The following AGBL1 variants were observed in gnomAD, a reference collection of about 807,000 sequenced individuals.
The protein encoded by AGBL1 is AGBL carboxypeptidase 1.
A neutral mutation model predicts 118.9 loss-of-function variants in AGBL1; 130 were observed. That is an observed-to-expected ratio of 1.09 (90% CI 0.95 to 1.26). AGBL1 has a LOEUF of 1.26. Ranked by LOEUF, AGBL1 falls within the 50% of genes most tolerant of loss-of-function variation. AGBL1 has a pLI of 0.00. For synonymous variants in AGBL1, 555 were observed against 478.9 expected (o/e 1.16, Z -2.08); for missense variants, 1,584 against 1,298.1 (o/e 1.22, Z -3.38).
intron 23 of AGBL1, among the ~76,000 whole-genome samples, chr15:86,962,696 T>A (rs2081004972): frequency 6.6e-6 from 1 of 152,030 alleles, no homozygotes; most frequent in African/African-American, 2.4e-5. Context: ...TTATAAAACA[T>A]ATTTCGAGGC....
Position 86,264,308 on chromosome 15 carries a change from T to C in AGBL1, c.1137T>C (p.Tyr379=). The C allele has an allele frequency of 6.2e-7, 1 of 1,610,416 alleles. No individual in the cohort carries two copies. The highest frequency in any genetic ancestry group is 8.5e-7 in the Non-Finnish European group (1 of 1,178,330). ...GDDLNSEKTQ[Y]ANHHHIPAAA... is the part of the protein sequence containing the mutation. ...ATTTGAACTCTGAAAAGACTCAGTA[T>C]GCCAATCACCACCACATTCCAGCCG... The change falls in exon 11 of 23, where the codon TAT becomes TAC. Residue 379 remains tyrosine (Y), a synonymous_variant. Transcript: ENST00000614907.
At chr15:86,206,539 T>G (rs1314658937) in intron 5 of AGBL1, among the ~76,000 whole-genome samples, 1 of 152,250 alleles carries the variant, frequency 6.6e-6, no homozygotes, top group African/African-American at 2.4e-5. Context: ...CATTGTAGTT[T>G]TGATTTGCAT....
At chr15:86,431,186 A>G (rs2081931447) in intron 18 of AGBL1, among the ~76,000 whole-genome samples, 1 of 152,060 alleles carries the variant, frequency 6.6e-6, no homozygotes, top group South Asian at 2.1e-4. Context: ...TGAAACCATG[A>G]CCAGGAGAGA....
intron 18 of AGBL1, among the ~76,000 whole-genome samples, chr15:86,499,660 A>T (rs912813809): frequency 1.3e-5 from 2 of 151,932 alleles, no homozygotes; most frequent in Non-Finnish European, 2.9e-5. Flanking sequence ...TCAATTCTGG[A>T]CTGGTCCCAT....
chr15:86,396,252 T>G (rs768247), intron 17 of AGBL1, among the ~76,000 whole-genome samples: 6,474 of 148,824 alleles, frequency 0.044, 239 homozygotes, highest in East Asian at 0.15. Flanking sequence ...TGTATATATA[T>G]ATATATATAT....
At chr15:86,155,825 A>G (rs1221300733) in intron 4 of AGBL1, among the ~76,000 whole-genome samples, 1 of 152,208 alleles carries the variant, frequency 6.6e-6, no homozygotes, top group Non-Finnish European at 1.5e-5. Flanking sequence ...AATAATGATT[A>G]CCATTACTCT....
chr15:86,802,413 C>G (rs1049924689), intron 22 of AGBL1, among the ~76,000 whole-genome samples: 4 of 152,048 alleles, frequency 2.6e-5, no homozygotes, highest in African/African-American at 9.7e-5. Flanking sequence ...TATTTCTTAC[C>G]TGATTCATTT....
chr15:86,556,381 C>A, intron 21 of AGBL1: 2 of 1,057,986 alleles, frequency 1.9e-6, no homozygotes, highest in Non-Finnish European at 2.9e-6. Flanking sequence ...TAGAGAAAGC[C>A]CTAACAGTGC....
intron 17 of AGBL1, among the ~76,000 whole-genome samples, chr15:86,309,393 T>G (rs1372626012): frequency 6.6e-6 from 1 of 152,230 alleles, no homozygotes; most frequent in African/African-American, 2.4e-5. Context: ...AGGATGCCTT[T>G]TATTTCTTTT....
At chr15:86,954,487 A>T (rs1383460654) in intron 23 of AGBL1, among the ~76,000 whole-genome samples, 1 of 152,176 alleles carries the variant, frequency 6.6e-6, no homozygotes, top group Non-Finnish European at 1.5e-5. Context: ...GATTGAAATC[A>T]TGTCCTTTGC....
intron 5 of AGBL1, among the ~76,000 whole-genome samples, chr15:86,178,183 C>T (rs919344756): frequency 6.6e-6 from 1 of 152,020 alleles, no homozygotes; most frequent in Non-Finnish European, 1.5e-5. Flanking sequence ...TGTGGTGGCA[C>T]CTGCCCGTAA....
chr15:86,688,893 CA>C (rs2086111076), intron 22 of AGBL1, among the ~76,000 whole-genome samples: 1 of 152,122 alleles, frequency 6.6e-6, no homozygotes, highest in Non-Finnish European at 1.5e-5. Flanking sequence ...CCCCAGACAA[CA>C]ACTGACTTGC....
At chr15:86,677,292 A>G (rs1243183978) in intron 22 of AGBL1, among the ~76,000 whole-genome samples, 1 of 152,156 alleles carries the variant, frequency 6.6e-6, no homozygotes, top group Non-Finnish European at 1.5e-5. Context: ...AAAATGAAGT[A>G]CATGCATGCT....
Position 86,247,706 on chromosome 15 carries a change from G to A in AGBL1, c.562G>A (p.Val188Ile), listed in dbSNP as rs752310281. The A allele has an allele frequency of 6.8e-6, 11 of 1,612,428 alleles. No homozygotes were observed. Among genetic ancestry groups the A allele is most frequent in the African/African-American group, 6.7e-5 (5 of 74,910 alleles). ...CCGCAGAGCAGTGAACCGAGGCTACGTCACCAGCCTGCTCGGGCTGCACCA... is the reference window on the plus strand; with the variant it reads ...CCGCAGAGCAGTGAACCGAGGCTACATCACCAGCCTGCTCGGGCTGCACCA... Reference protein sequence around the residue: ...NGRRAVNRGYVTSLLGLHQDW... With the variant: ...NGRRAVNRGYITSLLGLHQDW... The change falls in exon 7 of 23, where the codon GTC (valine) becomes ATC (isoleucine). Residue 188 changes from valine to isoleucine, a missense_variant. By Grantham distance (29) the Val-to-Ile change is conservative. Coordinates refer to ENST00000614907, the MANE Select transcript of AGBL1 (RefSeq NM_001386094.1).
chr15:86,353,445 T>C (rs932616043), intron 17 of AGBL1, among the ~76,000 whole-genome samples: 1 of 152,118 alleles, frequency 6.6e-6, no homozygotes, highest in African/African-American at 2.4e-5. Context: ...CATTTCCTAA[T>C]GAAAGGAAAA....
chr15:86,637,099 A>G (rs1377672354), intron 21 of AGBL1, among the ~76,000 whole-genome samples: 1 of 152,142 alleles, frequency 6.6e-6, no homozygotes, highest in African/African-American at 2.4e-5. Flanking sequence ...ATTCGATGAC[A>G]GAGGATGGAC....
At chr15:86,305,395 CA>C (rs1377308545) in intron 17 of AGBL1, among the ~76,000 whole-genome samples, 13 of 152,086 alleles carry the variant, frequency 8.5e-5, no homozygotes, top group African/African-American at 2.9e-4. Flanking sequence ...AAATTTAAAG[CA>C]GAAAGGGAAA....
At chr15:86,465,524 G>C (rs1180175368) in intron 18 of AGBL1, among the ~76,000 whole-genome samples, 2 of 152,208 alleles carry the variant, frequency 1.3e-5, no homozygotes, top group East Asian at 1.9e-4. Flanking sequence ...CTTTCAGAAA[G>C]CGAATAGGAG....
intron 21 of AGBL1, among the ~76,000 whole-genome samples, chr15:86,631,578 T>C (rs1468733937): frequency 2.0e-5 from 3 of 152,214 alleles, no homozygotes; most frequent in African/African-American, 7.2e-5. Flanking sequence ...TGAGGCCTGC[T>C]GGCATCTTTT....
Sources: gnomAD v4.1 joint callset for allele counts (sites outside exome capture counted in the v4.1 genomes callset) on GRCh38, gnomAD v4.1.1 for gene constraint, MANE v1.5 for transcripts, NCBI Gene and HGNC (gene_info 2026-07-23, HGNC 2026-07-21) for gene names.